DPYD: variants seen among roughly 807,000 people sequenced by gnomAD.
The protein encoded by DPYD is dihydropyrimidine dehydrogenase [NADP(+)].
A neutral mutation model predicts 116.2 loss-of-function variants in DPYD; 109 were observed. That is an observed-to-expected ratio of 0.94 (90% CI 0.80 to 1.10). The LOEUF (loss-of-function observed/expected upper bound fraction) is 1.10, where lower values mean the gene tolerates loss of function less well. DPYD is among the 50% of genes least tolerant of loss of function. The probability of loss-of-function intolerance (pLI) is 0.00; values close to 1 mark genes in which losing one functional copy is unlikely to be tolerated. For synonymous variants in DPYD, 440 were observed against 432.0 expected, an observed-to-expected ratio of 1.02 and a Z score of -0.23; for missense variants, 1,302 against 1,254.5, an observed-to-expected ratio of 1.04 and a Z score of -0.57.
chr1:97,454,415 C>G (rs1253294944), intron 13 of DPYD, among the ~76,000 whole-genome samples: 1 of 151,722 alleles, frequency 6.6e-6, no homozygotes, highest in Non-Finnish European at 1.5e-5. Context: ...GTCTTATTAG[C>G]ATTGCTTAAA....
intron 10 of DPYD, among the ~76,000 whole-genome samples, chr1:97,587,919 C>T (rs1654251466): frequency 6.6e-6 from 1 of 150,868 alleles, no homozygotes. Flanking sequence ...GGTCCTTTGA[C>T]ATTAAAAATA....
intron 20 of DPYD, among the ~76,000 whole-genome samples, chr1:97,138,871 G>A (rs1653995830): frequency 6.6e-6 from 1 of 152,078 alleles, no homozygotes; most frequent in African/African-American, 2.4e-5. Flanking sequence ...GAGTTACTGT[G>A]CAGCACCAGT....
intron 20 of DPYD, among the ~76,000 whole-genome samples, chr1:97,186,968 T>C (rs543763405): frequency 7.1e-4 from 108 of 152,388 alleles, no homozygotes; most frequent in African/African-American, 2.4e-3. Context: ...TTCTACATTT[T>C]CTTTATTATC....
At chr1:97,222,958 T>C (rs1444137736) in intron 19 of DPYD, among the ~76,000 whole-genome samples, 3 of 152,022 alleles carry the variant, frequency 2.0e-5, no homozygotes, top group African/African-American at 7.2e-5. Flanking sequence ...TGAATAAATA[T>C]TTTCCACCTA....
In DPYD at chr1:97,330,995, G is replaced by A. The variant is rs989488558; in HGVS notation, c.2059-24698C>T. Reference sequence around the variant, plus strand: ...AGATAAAACTTTTTAAAAATAAAACGCAACTGCAAAGCAAATGTAATGCTG... The same window carrying A: ...AGATAAAACTTTTTAAAAATAAAACACAACTGCAAAGCAAATGTAATGCTG... On this transcript the variant is annotated intron_variant, in intron 16 of 22. Coordinates refer to ENST00000370192, the MANE Select transcript of DPYD (RefSeq NM_000110.4). Among the ~76,000 whole-genome samples, 9 of 151,976 alleles carry A rather than the reference G, an allele frequency of 5.9e-5. No homozygotes were observed. In the East Asian group the frequency reaches 1.5e-3, roughly 26 times the overall value.
intron 13 of DPYD, among the ~76,000 whole-genome samples, chr1:97,506,687 T>G (rs143726650): frequency 6.6e-6 from 1 of 152,110 alleles, no homozygotes; most frequent in African/African-American, 2.4e-5. Flanking sequence ...AATGATTAAC[T>G]AATTAACAGG....
Position 97,593,353 on chromosome 1 carries a change from T to C in DPYD, c.993A>G (p.Ile331Met), listed in dbSNP as rs1260688429. ...CTCCAAGTACAATCACGACTCCCCG[T>C]ATCGATGGCAATGGAGAGTGACAGG... is the stretch of plus-strand genomic sequence containing the variant. The part of the protein sequence containing the change: ...MCACHSPLPS[I>M]RGVVIVLGAG... The change falls in exon 10 of 23, where the codon ATA becomes ATG. Residue 331 changes from isoleucine (I) to methionine (M), a missense_variant. Ile to Met is a conservative substitution (Grantham distance 10, BLOSUM62 1). Transcript: ENST00000370192. 6 of 1,614,098 alleles carry C rather than the reference T, an allele frequency of 3.7e-6. No homozygotes were observed. Among genetic ancestry groups the C allele is most frequent in the Non-Finnish European group, 5.1e-6 (6 of 1,179,996 alleles).
intron 3 of DPYD, among the ~76,000 whole-genome samples, chr1:97,759,498 T>C (rs1665456873): frequency 1.3e-5 from 2 of 152,172 alleles, no homozygotes; most frequent in Non-Finnish European, 2.9e-5. Flanking sequence ...GCCATCAAGT[T>C]ACACATAACA....
At chr1:97,290,907 A>G (rs1666101430) in intron 18 of DPYD, among the ~76,000 whole-genome samples, 2 of 151,882 alleles carry the variant, frequency 1.3e-5, no homozygotes, top group East Asian at 1.9e-4. Context: ...GCAACCTACA[A>G]AATGGGAGAA....
At chr1:97,107,877 A>G (rs1232948943) in intron 20 of DPYD, among the ~76,000 whole-genome samples, 6 of 152,092 alleles carry the variant, frequency 3.9e-5, no homozygotes, top group Non-Finnish European at 7.4e-5. Flanking sequence ...CCATTCCTTG[A>G]AATCTATGCT....
At chr1:97,206,795 A>G (rs1315265363) in intron 19 of DPYD, among the ~76,000 whole-genome samples, 1 of 150,338 alleles carries the variant, frequency 6.7e-6, no homozygotes, top group Non-Finnish European at 1.5e-5. Context: ...GCATACACAT[A>G]CATATACACA....
chr1:97,545,934 G>A, intron 12 of DPYD: 2 of 1,120,528 alleles, frequency 1.8e-6, no homozygotes, highest in Non-Finnish European at 2.7e-6. Context: ...TAAAGAATCA[G>A]ATTGTCATAC....
chr1:97,631,882 C>T (rs1397512760), intron 8 of DPYD, among the ~76,000 whole-genome samples: 1 of 151,884 alleles, frequency 6.6e-6, no homozygotes, highest in Admixed American at 6.6e-5. Context: ...ATGGATGACA[C>T]AGTTATAGTT....
At chr1:97,539,008 G>T (rs1267074165) in intron 12 of DPYD, among the ~76,000 whole-genome samples, 1 of 152,122 alleles carries the variant, frequency 6.6e-6, no homozygotes, top group Non-Finnish European at 1.5e-5. Flanking sequence ...AAAGTTTGCT[G>T]AAGAAAACAG....
chr1:97,385,050 G>T (rs530819552), intron 14 of DPYD, among the ~76,000 whole-genome samples: 2 of 151,890 alleles, frequency 1.3e-5, no homozygotes, highest in Non-Finnish European at 2.9e-5. Context: ...TTCCCTAGGG[G>T]CTAAAAAAGT....
At chr1:97,322,947 A>AGG (rs1209996269) in intron 16 of DPYD, 3 of 151,882 alleles carry the variant, frequency 2.0e-5, no homozygotes. Flanking sequence ...ACTCTGCAAT[A>AGG]CGAATACATC....
At chr1:97,462,595 A>T (rs1677089471) in intron 13 of DPYD, among the ~76,000 whole-genome samples, 1 of 152,238 alleles carries the variant, frequency 6.6e-6, no homozygotes, top group East Asian at 1.9e-4. Context: ...ACATTAAAAC[A>T]GAGATCTTAA....
At chr1:97,874,889 C>CA (rs1341880215) in intron 2 of DPYD, among the ~76,000 whole-genome samples, 1 of 151,758 alleles carries the variant, frequency 6.6e-6, no homozygotes, top group African/African-American at 2.4e-5. Flanking sequence ...CTAACAACAA[C>CA]AAAAAACTGC....
chr1:97,258,326 C>T (rs1313525934), intron 18 of DPYD, among the ~76,000 whole-genome samples: 1 of 152,180 alleles, frequency 6.6e-6, no homozygotes, highest in Non-Finnish European at 1.5e-5. Flanking sequence ...CCTGCCACCA[C>T]AAGAGCCTAC....
Sources: gnomAD v4.1 joint callset for allele counts (sites outside exome capture counted in the v4.1 genomes callset) on GRCh38, gnomAD v4.1.1 for gene constraint, MANE v1.5 for transcripts, NCBI Gene and HGNC (gene_info 2026-07-23, HGNC 2026-07-21) for gene names.